MUC3A: variants seen among roughly 807,000 people sequenced by gnomAD.
The protein encoded by MUC3A is mucin 3A, cell surface associated.
A neutral mutation model predicts 109.0 loss-of-function variants in MUC3A; 109 were observed. That is an observed-to-expected ratio of 1.00 (90% CI 0.86 to 1.17). MUC3A has a LOEUF of 1.17. Ranked by LOEUF, MUC3A falls within the 50% of genes most tolerant of loss-of-function variation. The pLI is 0.00. For missense variants in MUC3A, 3,537 were observed against 2,469.4 expected, an observed-to-expected ratio of 1.43 and a Z score of -9.16; for synonymous variants, 1,398 against 981.4, an observed-to-expected ratio of 1.42 and a Z score of -7.93.
In MUC3A at chr7:100,965,460, A is replaced by G. The variant is rs1792500400; in HGVS notation, c.9448+113A>G. The G allele has an allele frequency of 5.9e-6, 9 of 1,514,766 alleles. No individual in the cohort carries two copies. In the East Asian group the frequency reaches 2.2e-4, roughly 37 times the overall value. The allele number at this position is 1,514,766 out of a possible 1,614,324, so 93.8% of individuals were successfully genotyped here. A position where few individuals can be genotyped will look rare whatever the true frequency, so the allele number is the denominator to read the frequency against. The stretch of plus-strand genomic sequence containing the variant: ...GAGAGACCTTTGGGGGAGGCAAGTC[A>G]TGTGGCCCAGGGCGGCCCTTCCTGG... On this transcript the variant is annotated intron_variant, in intron 7 of 11. Transcript: ENST00000379458.
chr7:100,959,763 T>C lies in MUC3A; in HGVS notation c.7984T>C (p.Ser2662Pro), dbSNP rs1328895668. The C allele has an allele frequency of 6.3e-7, 1 of 1,598,054 alleles. No homozygotes were observed. The highest frequency in any genetic ancestry group is 8.5e-7 in the Non-Finnish European group (1 of 1,179,658). Residue 2662 changes from serine to proline, a missense_variant, in exon 2 of 12, where the codon TCT becomes CCT. Coordinates refer to ENST00000379458, the MANE Select transcript of MUC3A (RefSeq NM_005960.2). ...LTSTSEFTTESFTRGSTSTNA... is the reference protein window; with the variant it reads ...LTSTSEFTTEPFTRGSTSTNA... ...ATCTACAAGTGAGTTCACTACAGAA[T>C]CTTTCACTAGGGGAAGTACGTCTAC...
In MUC3A at chr7:100,963,678, G is replaced by C; in HGVS notation, c.9169-10G>C. 1.3e-6 allele frequency: 2 copies of C among 1,598,448 alleles called. No individual in the cohort carries two copies. The highest frequency in any genetic ancestry group is 1.7e-6 in the Non-Finnish European group (2 of 1,179,758). ...TTCGGACGTGAGCCCAGGGATCCTT[G>C]GTGTTTCAGATGCAGAAGATTTTTG... is the stretch of plus-strand genomic sequence containing the variant. On this transcript the variant is annotated splice_polypyrimidine_tract_variant and intron_variant, in intron 4 of 11. Transcript: ENST00000379458.
chr7:100,960,371 T>C lies in MUC3A; in HGVS notation c.8592T>C (p.Thr2864=). The C allele has an allele frequency of 3.1e-6, 5 of 1,598,544 alleles. No homozygotes were observed. The highest frequency in any genetic ancestry group is 4.2e-6 in the Non-Finnish European group (5 of 1,179,834). The change falls in exon 2 of 12, where the codon ACT becomes ACC. Residue 2864 remains threonine, a synonymous_variant. Transcript: ENST00000379458. ...TVPTNTVFTS[T]RLPTSETWLS... ...CCACAAACACAGTTTTCACAAGTAC[T>C]CGACTGCCCACCAGTGAGACCTGGC...
At position 100,960,375 on chromosome 7, in the gene MUC3A, C is replaced by A. The variant is rs1191422749; in HGVS notation, c.8596C>A (p.Leu2866Met). 6.3e-7 allele frequency: 1 copy of A among 1,598,548 alleles called. No homozygotes were observed. Among genetic ancestry groups the A allele is most frequent in the East Asian group, 2.2e-5 (1 of 44,892 alleles). The change falls in exon 2 of 12, where the codon CTG (leucine) becomes ATG (methionine). Residue 2866 changes from leucine to methionine, a missense_variant. Leu to Met is a conservative substitution (Grantham distance 15). Coordinates refer to ENST00000379458, the MANE Select transcript of MUC3A (RefSeq NM_005960.2). ...AAACACAGTTTTCACAAGTACTCGA[C>A]TGCCCACCAGTGAGACCTGGCTGAG... The part of the protein sequence containing the change: ...PTNTVFTSTR[L>M]PTSETWLSNS...
intron 3 of MUC3A, among the ~76,000 whole-genome samples, chr7:100,961,453 C>T (rs1792323244): frequency 1.4e-5 from 1 of 73,830 alleles, no homozygotes; most frequent in African/African-American, 4.6e-5. Context: ...ACTCTGGCCT[C>T]CTCAATTGCT....
Position 100,959,032 on chromosome 7 carries a change from C to G in MUC3A, c.7253C>G (p.Thr2418Ser). The G allele has an allele frequency of 1.9e-6, 3 of 1,584,138 alleles. No individual in the cohort carries two copies. Among genetic ancestry groups the G allele is most frequent in the African/African-American group, 1.4e-5 (1 of 72,888 alleles). Residue 2418 changes from threonine to serine, a missense_variant, in exon 2 of 12, where the codon ACT becomes AGT. Physicochemically the swap from Thr to Ser is moderately conservative, Grantham distance 58. Coordinates refer to ENST00000379458, the MANE Select transcript of MUC3A (RefSeq NM_005960.2). ...ACTTCTTCAATCACCACCACTGAGA[C>G]TACCTCACACAGTACTCCTGGCTTC... is the stretch of plus-strand genomic sequence containing the variant. ...GLTSSITTTE[T>S]TSHSTPGFTS... is the part of the protein sequence containing the mutation.
At chr7:100,964,546 C>CGTAT in intron 5 of MUC3A, 149 bp from the exon 6 acceptor site, 2 of 1,307,646 alleles carry the variant, frequency 1.5e-6, no homozygotes, top group South Asian at 1.7e-5. Context: ...TGCTGGCAGC[C>CGTAT]CCTTCTGAAA....
In MUC3A at chr7:100,966,721, G is replaced by C; in HGVS notation, c.9855G>C (p.Trp3285Cys). 3 of 1,598,556 alleles carry C rather than the reference G, an allele frequency of 1.9e-6. No homozygotes were observed. The highest frequency in any genetic ancestry group is 2.5e-6 in the Non-Finnish European group (3 of 1,179,834). The change falls in exon 10 of 12, where the codon TGG becomes TGC. Residue 3285 changes from tryptophan (W) to cysteine (C), a missense_variant. Coordinates refer to ENST00000379458, the MANE Select transcript of MUC3A (RefSeq NM_005960.2). ...AAGTCGTGGGCACTTTTTCAAACTG[G>C]GGTTTCGAGGACGACGGAACAGGTG... ...DEEVVGTFSN[W>C]GFEDDGTDKD...
At position 100,960,298 on chromosome 7, in the gene MUC3A, C is replaced by G. The variant is rs764152419; in HGVS notation, c.8519C>G (p.Ser2840Cys). The G allele has an allele frequency of 6.3e-7, 1 of 1,598,550 alleles. No individual in the cohort carries two copies. The highest frequency in any genetic ancestry group is 8.5e-7 in the Non-Finnish European group (1 of 1,179,830). ...TCTTCCATGATGCCAGAAAGTGAGT[C>G]CAGCATCTCACCCAATGCTTCCAGT... Reference protein sequence around the residue: ...DTSSMMPESESSISPNASSST... With the variant: ...DTSSMMPESECSISPNASSST... The change falls in exon 2 of 12, where the codon TCC (serine) becomes TGC (cysteine). Residue 2840 changes from serine (S) to cysteine (C), a missense_variant. Ser to Cys is a moderately radical substitution (Grantham distance 112, BLOSUM62 -1). Coordinates refer to ENST00000379458, the MANE Select transcript of MUC3A (RefSeq NM_005960.2).
rs370048425 is a variant in MUC3A, at chr7:100,964,761, C to T, written c.9300C>T (p.Ser3100=). 1.1e-3 allele frequency: 1,705 copies of T among 1,595,436 alleles called. No individual in the cohort carries two copies. Among genetic ancestry groups the T allele is most frequent in the Non-Finnish European group, 1.2e-3 (1,465 of 1,177,056 alleles). Residue 3100 remains serine (S), a synonymous_variant, in exon 6 of 12, where the codon AGC becomes AGT. Coordinates refer to ENST00000379458, the MANE Select transcript of MUC3A (RefSeq NM_005960.2). ...TGCCCTTCAGCCCCCAGCTGGAGAGCGAGTATGAGCAGGTGAAGACCACGC... is the reference window on the plus strand; with the variant it reads ...TGCCCTTCAGCCCCCAGCTGGAGAGTGAGTATGAGCAGGTGAAGACCACGC... The part of the protein sequence containing the change: ...LEMPFSPQLE[S]EYEQVKTTLK...
intron 6 of MUC3A, 105 bp from the exon 7 acceptor site, chr7:100,965,177 G>A (rs1309049104): frequency 2.0e-6 from 3 of 1,509,294 alleles, no homozygotes; most frequent in Non-Finnish European, 2.7e-6. Flanking sequence ...GACGGAGAGA[G>A]CCCTCACTGC....
In MUC3A at chr7:100,958,094, C is replaced by G; in HGVS notation, c.6315C>G (p.His2105Gln). ...TCACCACCACTGAGACCACCTCACA[C>G]AGTACTCCCAGCTTCACTTCCTCAA... ...SSITTTETTS[H>Q]STPSFTSSIT... Residue 2105 changes from histidine to glutamine, a missense_variant, in exon 2 of 12, where the codon CAC becomes CAG. Transcript: ENST00000379458. The G allele has an allele frequency of 2.9e-6, 4 of 1,391,616 alleles. No individual in the cohort carries two copies. Among genetic ancestry groups the G allele is most frequent in the African/African-American group, 1.4e-5 (1 of 69,638 alleles). 86.2% of individuals were successfully genotyped at this position (1,391,616 alleles called of 1,614,324 possible). A position where few individuals can be genotyped will look rare whatever the true frequency, so the allele number is the denominator to read the frequency against.
chr7:100,958,102 C>A lies in MUC3A; in HGVS notation c.6323C>A (p.Pro2108His). The A allele has an allele frequency of 7.1e-7, 1 of 1,405,836 alleles. No individual in the cohort carries two copies. Among genetic ancestry groups the A allele is most frequent in the South Asian group, 1.2e-5 (1 of 85,736 alleles). The allele number at this position is 1,405,836 out of a possible 1,614,324, so 87.1% of individuals were successfully genotyped here. A position where few individuals can be genotyped will look rare whatever the true frequency, so the allele number is the denominator to read the frequency against. Residue 2108 changes from proline to histidine, a missense_variant, in exon 2 of 12, where the codon CCC (proline) becomes CAC (histidine). Transcript: ENST00000379458. ...TTTETTSHSTPSFTSSITTSE... is the reference protein window; with the variant it reads ...TTTETTSHSTHSFTSSITTSE... ...ACTGAGACCACCTCACACAGTACTC[C>A]CAGCTTCACTTCCTCAATCACCACC...
chr7:100,961,014 G>A (rs1792309762), intron 3 of MUC3A, 77 bp downstream of exon 3: 2 of 1,590,470 alleles, frequency 1.3e-6, no homozygotes, highest in Non-Finnish European at 1.7e-6. Context: ...ATCCCTCTGT[G>A]GGGCCTGGAG....
In MUC3A at chr7:100,952,790, T is replaced by A. The variant is rs1286853240; in HGVS notation, c.1011T>A (p.Thr337=). 2.6e-6 allele frequency: 4 copies of A among 1,549,986 alleles called. No homozygotes were observed. The highest frequency in any genetic ancestry group is 3.5e-6 in the Non-Finnish European group (4 of 1,154,450). The stretch of plus-strand genomic sequence containing the variant: ...CACCTACATCTGAGACCACCTACAC[T>A]ACTTCTCCCACCAGCACTGTCACAG... The part of the protein sequence containing the change: ...RSTPTSETTY[T]TSPTSTVTDS... The change falls in exon 2 of 12, where the codon ACT becomes ACA. Residue 337 remains threonine (T), a synonymous_variant. Coordinates refer to ENST00000379458, the MANE Select transcript of MUC3A (RefSeq NM_005960.2).
At position 100,965,784 on chromosome 7, in the gene MUC3A, A is replaced by G; in HGVS notation, c.9529A>G (p.Thr3177Ala). The change falls in exon 8 of 12, where the codon ACC becomes GCC. Residue 3177 changes from threonine to alanine, a missense_variant. Transcript: ENST00000379458. ...LVEATRLRCV[T>A]KCTSGVDNAI... ...GGAGGCCACCCGGCTCCGCTGTGTC[A>G]CCAAATGCACGTCGGGGGTGGACAA... The G allele has an allele frequency of 6.3e-7, 1 of 1,598,024 alleles. No homozygotes were observed. The highest frequency in any genetic ancestry group is 8.5e-7 in the Non-Finnish European group (1 of 1,179,388).
At chr7:100,965,972 G>T in intron 8 of MUC3A, 106 bp downstream of exon 8, 1 of 1,449,438 alleles carries the variant, frequency 6.9e-7, no homozygotes, top group East Asian at 2.5e-5. Flanking sequence ...GCCTACAGTG[G>T]AGCCTCGTCC....
chr7:100,957,966 A>T lies in MUC3A; in HGVS notation c.6187A>T (p.Ile2063Phe), dbSNP rs2116183424. ...SHSTPSFTSL[I>F]TITEITSHST... ...CAGTACTCCCAGCTTCACTTCATTG[A>T]TCACCATCACCGAGATCACCTCACA... is the stretch of plus-strand genomic sequence containing the variant. Residue 2063 changes from isoleucine to phenylalanine, a missense_variant, in exon 2 of 12, where the codon ATC (isoleucine) becomes TTC (phenylalanine). Ile to Phe is a conservative substitution (Grantham distance 21). Coordinates refer to ENST00000379458, the MANE Select transcript of MUC3A (RefSeq NM_005960.2). 6.4e-6 allele frequency: 5 copies of T among 780,204 alleles called. No individual in the cohort carries two copies. The highest frequency in any genetic ancestry group is 4.8e-5 in the East Asian group (2 of 41,240). 48.3% of individuals were successfully genotyped at this position (780,204 alleles called of 1,614,324 possible).
At position 100,957,460 on chromosome 7, in the gene MUC3A, C is replaced by A. The variant is rs1383707519; in HGVS notation, c.5681C>A (p.Thr1894Asn). ...ACAGTTCCAACAACAAACTTGGTAA[C>A]CACGACCACCAAGATCACCTCACAC... is the stretch of plus-strand genomic sequence containing the variant. ...TATVPTTNLV[T>N]TTTKITSHST... The change falls in exon 2 of 12, where the codon ACC (threonine) becomes AAC (asparagine). Residue 1894 changes from threonine to asparagine, a missense_variant. Thr to Asn is a moderately conservative substitution (Grantham distance 65). Transcript: ENST00000379458. 4.1e-6 allele frequency: 4 copies of A among 971,322 alleles called. No homozygotes were observed. The highest frequency in any genetic ancestry group is 4.6e-5 in the South Asian group (1 of 21,756). The allele number at this position is 971,322 out of a possible 1,614,324, so 60.2% of individuals were successfully genotyped here. A position where few individuals can be genotyped will look rare whatever the true frequency, so the allele number is the denominator to read the frequency against.
Sources: allele counts gnomAD v4.1 joint callset (sites outside exome capture counted in the v4.1 genomes callset), GRCh38; gene constraint gnomAD v4.1.1; transcripts MANE v1.5; gene names NCBI Gene and HGNC (gene_info 2026-07-23, HGNC 2026-07-21).